The following PPIG variants were observed in gnomAD, a reference collection of about 807,000 sequenced individuals.
PPIG encodes the protein peptidylprolyl isomerase G.
A neutral mutation model predicts 87.9 loss-of-function variants in PPIG; 26 were observed. The observed-to-expected ratio is 0.30, with a 90% CI of 0.22 to 0.41. PPIG has a LOEUF of 0.41. PPIG is among the 10% of genes least tolerant of loss of function. The pLI, the probability that PPIG is intolerant of heterozygous loss-of-function variation, is 1.00. For missense variants in PPIG, 722 were observed against 879.4 expected, an observed-to-expected ratio of 0.82 and a Z score of 2.26; for synonymous variants, 308 against 276.5, an observed-to-expected ratio of 1.11 and a Z score of -1.13.
At chr2:169,600,126 G>C (rs1448456605) in intron 1 of PPIG, among the ~76,000 whole-genome samples, 1 of 150,802 alleles carries the variant, frequency 6.6e-6, no homozygotes, top group African/African-American at 2.4e-5. Context: ...CCAGGCTGGA[G>C]TACAGTGGCT....
At chr2:169,593,999 T>C (rs1170310885) in intron 1 of PPIG, among the ~76,000 whole-genome samples, 1 of 152,140 alleles carries the variant, frequency 6.6e-6, no homozygotes, top group African/African-American at 2.4e-5. Context: ...TTAATCTTCA[T>C]AAGCATTGCT....
intron 1 of PPIG, among the ~76,000 whole-genome samples, chr2:169,594,141 G>T (rs1317578548): frequency 6.6e-6 from 1 of 152,056 alleles, no homozygotes; most frequent in Admixed American, 6.6e-5. Flanking sequence ...ATTTAGAGTA[G>T]TTCCTCATAA....
Position 169,614,667 on chromosome 2 carries a change from A to C in PPIG, c.490A>C (p.Lys164Gln). 6.2e-7 allele frequency: 1 copy of C among 1,612,696 alleles called. No individual in the cohort carries two copies. Among genetic ancestry groups the C allele is most frequent in the East Asian group, 2.2e-5 (1 of 44,834 alleles). ...IENQKTDAASKPFAEVRILSC... is the reference protein window; with the variant it reads ...IENQKTDAASQPFAEVRILSC... Reference sequence around the variant, plus strand: ...AAACCAGAAAACAGATGCAGCTAGCAAACCGTTTGCGGAGGTACGGATACT... The same window carrying C: ...AAACCAGAAAACAGATGCAGCTAGCCAACCGTTTGCGGAGGTACGGATACT... The change falls in exon 9 of 14, where the codon AAA becomes CAA. Residue 164 changes from lysine to glutamine, a missense_variant. Physicochemically the swap from Lys to Gln is moderately conservative, Grantham distance 53 (BLOSUM62 1). Transcript: ENST00000260970.
At chr2:169,625,838 C>T (rs1685867484) in intron 9 of PPIG, among the ~76,000 whole-genome samples, 1 of 152,040 alleles carries the variant, frequency 6.6e-6, no homozygotes, top group Non-Finnish European at 1.5e-5. Flanking sequence ...ACTGTTCCAC[C>T]TCAGATCATC....
In PPIG at chr2:169,631,702, T is replaced by C. The variant is rs1574464373; in HGVS notation, c.762-64T>C. 3.1e-6 allele frequency: 5 copies of C among 1,604,744 alleles called. No homozygotes were observed. The East Asian group carries it at 1.1e-4, about 36-fold the overall frequency. On this transcript the variant is annotated intron_variant, in intron 10 of 13. Coordinates refer to ENST00000260970, the MANE Select transcript of PPIG (RefSeq NM_004792.3). ...TATAAAGGAAAGAAATACCAACAAT[T>C]GGATACTTCCGTAAGGACATAATAA...
intron 6 of PPIG, 103 bp from the exon 7 acceptor site, chr2:169,608,568 T>G (rs1685398279): frequency 3.4e-6 from 2 of 589,940 alleles, no homozygotes; most frequent in Non-Finnish European, 6.1e-6. Flanking sequence ...CTAAGTAAGT[T>G]GTGTGTGGCA....
chr2:169,588,245 G>A (rs1034542613), intron 1 of PPIG, among the ~76,000 whole-genome samples: 5 of 152,162 alleles, frequency 3.3e-5, no homozygotes, highest in South Asian at 2.1e-4. Context: ...GTGTGTGTGT[G>A]TGTATATACT....
chr2:169,596,423 G>GT (rs1685017542), intron 1 of PPIG, among the ~76,000 whole-genome samples: 2 of 152,054 alleles, frequency 1.3e-5, no homozygotes, highest in Non-Finnish European at 2.9e-5. Context: ...TGTTTTGAGT[G>GT]GCCTAAACCC....
intron 9 of PPIG, among the ~76,000 whole-genome samples, chr2:169,617,395 A>C (rs2105503524): frequency 6.6e-6 from 1 of 152,266 alleles, no homozygotes; most frequent in Non-Finnish European, 1.5e-5. Context: ...TGATTCTGTG[A>C]AGAAAGTCAG....
At chr2:169,598,632 A>AT (rs1685087911) in intron 1 of PPIG, among the ~76,000 whole-genome samples, 1 of 151,972 alleles carries the variant, frequency 6.6e-6, no homozygotes, top group African/African-American at 2.4e-5. Context: ...ACATTTACAG[A>AT]TTTTAGGAAA....
intron 1 of PPIG, among the ~76,000 whole-genome samples, chr2:169,602,781 G>C (rs1291436748): frequency 1.3e-5 from 2 of 152,176 alleles, no homozygotes; most frequent in Middle Eastern, 3.2e-3. Flanking sequence ...GATAAGGTTT[G>C]TGTTTTAAAA....
In PPIG at chr2:169,636,057, A is replaced by C. The variant is rs2290007; in HGVS notation, c.1018-35A>C. 1.9e-6 allele frequency: 3 copies of C among 1,538,502 alleles called. No individual in the cohort carries two copies. In the East Asian group the frequency reaches 6.8e-5, roughly 35 times the overall value. ...CCCATGCGAGTCCCTCTATACTTCT[A>C]TACATTAATTTTTCCCTATTTTAAT... On this transcript the variant is annotated intron_variant, in intron 12 of 13. Coordinates refer to ENST00000260970, the MANE Select transcript of PPIG (RefSeq NM_004792.3).
chr2:169,635,984 C>T, intron 12 of PPIG, 108 bp from the exon 13 acceptor site: 1 of 610,826 alleles, frequency 1.6e-6, no homozygotes. Context: ...ATTTTGTACC[C>T]CTTACTACCT....
chr2:169,605,212 T>C (rs1685290319), intron 4 of PPIG, among the ~76,000 whole-genome samples: 1 of 152,144 alleles, frequency 6.6e-6, no homozygotes, highest in Admixed American at 6.5e-5. Flanking sequence ...TGGGTGCCTG[T>C]AATCCCAGCT....
chr2:169,635,822 A>G (rs1686163667), intron 12 of PPIG, among the ~76,000 whole-genome samples: 3 of 152,236 alleles, frequency 2.0e-5, no homozygotes, highest in African/African-American at 4.8e-5. Context: ...AATTTGCAAC[A>G]TGACAACTTA....
intron 9 of PPIG, among the ~76,000 whole-genome samples, chr2:169,629,408 C>T (rs1195312337): frequency 6.6e-6 from 1 of 152,158 alleles, no homozygotes; most frequent in African/African-American, 2.4e-5. Flanking sequence ...GTAATTGTTT[C>T]ATTAATGTTA....
intron 9 of PPIG, among the ~76,000 whole-genome samples, chr2:169,626,512 C>T (rs191047082): frequency 4.6e-5 from 7 of 151,612 alleles, no homozygotes; most frequent in African/African-American, 1.7e-4. Flanking sequence ...CTGCCTCAGC[C>T]TCCCGAGTAG....
intron 1 of PPIG, among the ~76,000 whole-genome samples, chr2:169,598,091 C>T (rs969306485): frequency 3.3e-5 from 5 of 151,312 alleles, no homozygotes; most frequent in African/African-American, 1.2e-4. Context: ...ACCTCCGCAT[C>T]CTGGGCCCAA....
At position 169,640,098 on chromosome 2, in the gene PPIG, TAATGA is replaced by T. The variant is rs1183576233; in HGVS notation, c.*2581_*2585del. 1 of 152,182 alleles carries T rather than the reference TAATGA, an allele frequency of 6.6e-6. No homozygotes were observed. Among genetic ancestry groups the T allele is most frequent in the Non-Finnish European group, 1.5e-5 (1 of 68,016 alleles). 9.4% of individuals were successfully genotyped at this position (152,182 alleles called of 1,614,324 possible). ...ATTGACACTATGGTGAGATTAATGT[TAATGA>T]AATGAGCAGTAGAGAAGCTACTGGA... On this transcript the variant is annotated 3_prime_UTR_variant, in exon 14 of 14. Coordinates refer to ENST00000260970, the MANE Select transcript of PPIG (RefSeq NM_004792.3).
Sources: gnomAD v4.1 joint callset for allele counts (sites outside exome capture counted in the v4.1 genomes callset) on GRCh38, gnomAD v4.1.1 for gene constraint, MANE v1.5 for transcripts, NCBI Gene and HGNC (gene_info 2026-07-23, HGNC 2026-07-21) for gene names.